The following SPEG variants were observed in gnomAD, a reference collection of about 807,000 sequenced individuals.
The protein encoded by SPEG is striated muscle preferentially expressed protein kinase.
SPEG carries 114 observed loss-of-function variants against 300.4 expected under a neutral mutation model. The ratio of observed to expected loss-of-function variants is 0.38; its 90% confidence interval spans 0.33 to 0.44. The LOEUF is 0.44. Among genes scored for constraint, SPEG ranks in the 20% least tolerant of loss-of-function variants. The pLI is 1.00. For missense variants in SPEG, 4,201 were observed against 4,586.2 expected, an observed-to-expected ratio of 0.92 and a Z score of 2.43; for synonymous variants, 1,964 against 2,018.9, an observed-to-expected ratio of 0.97 and a Z score of 0.73.
rs1026316864 is a variant in SPEG at position 219,484,010 on chromosome 2, G to A, written c.6547G>A (p.Ala2183Thr). 3 of 1,612,636 alleles carry A rather than the reference G, an allele frequency of 1.9e-6. No homozygotes were observed. Among genetic ancestry groups the A allele is most frequent in the Non-Finnish European group, 2.5e-6 (3 of 1,179,762 alleles). ...GCCATCCAGCCCTGCACGGCCCAGCGCCCCCAAACCCAGTACCCCTAAGTC... is the reference window on the plus strand; with the variant it reads ...GCCATCCAGCCCTGCACGGCCCAGCACCCCCAAACCCAGTACCCCTAAGTC... Reference protein sequence around the residue: ...AQPSSPARPSAPKPSTPKSAE... With the variant: ...AQPSSPARPSTPKPSTPKSAE... Residue 2183 changes from alanine (A) to threonine (T), a missense_variant, in exon 30 of 41, where the codon GCC becomes ACC. Ala to Thr is a moderately conservative substitution (Grantham distance 58, BLOSUM62 0). This residue lies in a region of SPEG where 1,578 missense variants were observed against 1,506.0 expected (regional missense o/e 1.05). Coordinates refer to ENST00000312358, the MANE Select transcript of SPEG (RefSeq NM_005876.5).
At chr2:219,466,567 A>G in intron 9 of SPEG, 2 of 1,031,216 alleles carry the variant, frequency 1.9e-6, no homozygotes, top group Non-Finnish European at 2.3e-6. Context: ...GGGTTAGGAC[A>G]CTGACCATTC....
At position 219,451,860 on chromosome 2, in the gene SPEG, C is replaced by T. The variant is rs1689785455; in HGVS notation, c.2440+53C>T. ...GGTGGGGGCAAGCCGTGACTCTCCC[C>T]TGGCCCAGGCCCCAGTCCACCTCCC... is the stretch of plus-strand genomic sequence containing the variant. On this transcript the variant is annotated intron_variant, in intron 6 of 40. Transcript: ENST00000312358. The surrounding 1 kb of genome is among the most constrained non-coding windows in gnomAD (Gnocchi z 6.4). 4.1e-6 allele frequency: 6 copies of T among 1,459,116 alleles called. No individual in the cohort carries two copies. Among genetic ancestry groups the T allele is most frequent in the Non-Finnish European group, 4.6e-6 (5 of 1,093,712 alleles). The allele number at this position is 1,459,116 out of a possible 1,614,324, so 90.4% of individuals were successfully genotyped here.
At chr2:219,457,684 A>G (rs1028281259) in intron 6 of SPEG, among the ~76,000 whole-genome samples, 2 of 152,188 alleles carry the variant, frequency 1.3e-5, no homozygotes, top group African/African-American at 2.4e-5. Context: ...ATCTGCACCC[A>G]TAGGGCAAAA....
Position 219,488,202 on chromosome 2 carries a change from C to G in SPEG, c.7750C>G (p.Pro2584Ala). 1 of 1,611,996 alleles carries G rather than the reference C, an allele frequency of 6.2e-7. No individual in the cohort carries two copies. Among genetic ancestry groups the G allele is most frequent in the Non-Finnish European group, 8.5e-7 (1 of 1,178,616 alleles). The stretch of plus-strand genomic sequence containing the variant: ...CTCTGCTTTTCCTCCAGACTTCCCC[C>G]CAGTCTTCCACATCAAACTCAAGGA... Reference protein sequence around the residue: ...QYVRSESDFPPVFHIKLKDQV... With the variant: ...QYVRSESDFPAVFHIKLKDQV... Residue 2584 changes from proline to alanine, a missense_variant, in exon 32 of 41, where the codon CCA becomes GCA. Pro to Ala is a conservative substitution (Grantham distance 27). Coordinates refer to ENST00000312358, the MANE Select transcript of SPEG (RefSeq NM_005876.5).
rs1302997762 is a variant in SPEG at position 219,443,297 on chromosome 2, G to A, written c.389-1356G>A. Reference sequence around the variant, plus strand: ...CCCCACACTTATCTACCACCCACCCGACCAGGCCCCCTGTGCCCTACAGCT... The same window carrying A: ...CCCCACACTTATCTACCACCCACCCAACCAGGCCCCCTGTGCCCTACAGCT... On this transcript the variant is annotated intron_variant, in intron 1 of 40. Coordinates refer to ENST00000312358, the MANE Select transcript of SPEG (RefSeq NM_005876.5). The surrounding 1 kb of genome is among the most constrained non-coding windows in gnomAD (Gnocchi z 4.6). 9 of 854,474 alleles carry A rather than the reference G, an allele frequency of 1.1e-5. No individual in the cohort carries two copies. The highest frequency in any genetic ancestry group is 2.7e-5 in the South Asian group (2 of 73,554). The allele number at this position is 854,474 out of a possible 1,614,324, so 52.9% of individuals were successfully genotyped here. A position where few individuals can be genotyped will look rare whatever the true frequency, so the allele number is the denominator to read the frequency against.
In SPEG at chr2:219,490,850, G is replaced by T. The variant is rs533972023; in HGVS notation, c.9279G>T (p.Leu3093=). Residue 3093 remains leucine, a synonymous_variant, in exon 38 of 41, where the codon CTG becomes CTT. Coordinates refer to ENST00000312358, the MANE Select transcript of SPEG (RefSeq NM_005876.5). The stretch of plus-strand genomic sequence containing the variant: ...ACATCAAGCCAGACAACCTGCTGCT[G>T]GCCCCTGACAATGCCCTCAAGATTG... ...HLDIKPDNLL[L]APDNALKIVD... 6.2e-7 allele frequency: 1 copy of T among 1,613,852 alleles called. No homozygotes were observed. The highest frequency in any genetic ancestry group is 2.2e-5 in the East Asian group (1 of 44,864).
chr2:219,484,715 C>T lies in SPEG; in HGVS notation c.7252C>T (p.Arg2418Trp), dbSNP rs1490646538. The change falls in exon 30 of 41, where the codon CGG becomes TGG. Residue 2418 changes from arginine (R) to tryptophan (W), a missense_variant. Arg to Trp is a moderately radical substitution (Grantham distance 101). This residue lies in a region of SPEG where 1,578 missense variants were observed against 1,506.0 expected (regional missense o/e 1.05). Coordinates refer to ENST00000312358, the MANE Select transcript of SPEG (RefSeq NM_005876.5). ...CTCGCTGTCACTGTCCCAGCGGCTGCGGCGGACCCCTCCCGCGCAGCGCCA... is the reference window on the plus strand; with the variant it reads ...CTCGCTGTCACTGTCCCAGCGGCTGTGGCGGACCCCTCCCGCGCAGCGCCA... ...RLSLSLSQRL[R>W]RTPPAQRHPA... 5 of 1,501,510 alleles carry T rather than the reference C, an allele frequency of 3.3e-6. No homozygotes were observed. The African/African-American group carries it at 5.8e-5, about 17-fold the overall frequency. The allele number at this position is 1,501,510 out of a possible 1,614,324, so 93.0% of individuals were successfully genotyped here. A position where few individuals can be genotyped will look rare whatever the true frequency, so the allele number is the denominator to read the frequency against.
rs764502382 is a variant in SPEG at position 219,448,122 on chromosome 2, C to T, written c.964C>T (p.Pro322Ser). The T allele has an allele frequency of 1.1e-4, 175 of 1,603,554 alleles. No individual in the cohort carries two copies. Among genetic ancestry groups the T allele is most frequent in the Admixed American group, 5.2e-4 (31 of 59,068 alleles). Residue 322 changes from proline to serine, a missense_variant, in exon 4 of 41, where the codon CCG (proline) becomes TCG (serine). This residue lies in a region of SPEG where 1,258 missense variants were observed against 1,293.9 expected (regional missense o/e 0.97). Transcript: ENST00000312358. ...PSPRVGKRSP[P>S]GPPAQPAATP... ...CCCTCGGGTCGGGAAGCGGTCCCCGCCGGGACCCCCGGCCCAGCCCGCGGC... is the reference window on the plus strand; with the variant it reads ...CCCTCGGGTCGGGAAGCGGTCCCCGTCGGGACCCCCGGCCCAGCCCGCGGC...
rs906765538 is a variant in SPEG, at chr2:219,448,555, G to T, written c.1397G>T (p.Arg466Leu). 20 of 1,446,270 alleles carry T rather than the reference G, an allele frequency of 1.4e-5. No homozygotes were observed. In the Admixed American group the frequency reaches 1.7e-4, roughly 12 times the overall value. 89.6% of individuals were successfully genotyped at this position (1,446,270 alleles called of 1,614,324 possible). The change falls in exon 4 of 41, where the codon CGG (arginine) becomes CTG (leucine). Residue 466 changes from arginine to leucine, a missense_variant. By Grantham distance (102) the Arg-to-Leu change is moderately radical. Around this residue, in one of 4 missense-constraint regions of SPEG, gnomAD observed 1,258 missense variants for 1,293.9 expected, o/e 0.97. Coordinates refer to ENST00000312358, the MANE Select transcript of SPEG (RefSeq NM_005876.5). Reference sequence around the variant, plus strand: ...CGGGCGCCAGGCAGCGTGGCCGAGCGGCGCCGCCTGTTCCAGCAGAAAGCG... The same window carrying T: ...CGGGCGCCAGGCAGCGTGGCCGAGCTGCGCCGCCTGTTCCAGCAGAAAGCG... ...ELRAPGSVAE[R>L]RRLFQQKAAS... is the part of the protein sequence containing the mutation.
chr2:219,442,739 C>T (rs1689020488), intron 1 of SPEG, among the ~76,000 whole-genome samples: 1 of 151,438 alleles, frequency 6.6e-6, no homozygotes, highest in African/African-American at 2.4e-5. Flanking sequence ...TCCTTCTCCT[C>T]ACTGAGCCTG....
chr2:219,461,898 T>C lies in SPEG; in HGVS notation c.2457T>C (p.Pro819=). ...TCTCTCCAGGTGGGTCTACATCCCCTTTCAGCAGCCCCATCACCTCCGACG... is the reference window on the plus strand; with the variant it reads ...TCTCTCCAGGTGGGTCTACATCCCCCTTCAGCAGCCCCATCACCTCCGACG... ...LTVRPGGSTS[P]FSSPITSDEE... The change falls in exon 7 of 41, where the codon CCT becomes CCC. Residue 819 remains proline, a synonymous_variant. Coordinates refer to ENST00000312358, the MANE Select transcript of SPEG (RefSeq NM_005876.5). The C allele has an allele frequency of 1.2e-6, 2 of 1,613,896 alleles. No individual in the cohort carries two copies. Among genetic ancestry groups the C allele is most frequent in the Non-Finnish European group, 1.7e-6 (2 of 1,179,898 alleles).
Position 219,473,586 on chromosome 2 carries a change from C to T in SPEG, c.4230C>T (p.Thr1410=), listed in dbSNP as rs780757296. The T allele has an allele frequency of 2.0e-5, 33 of 1,614,104 alleles. No individual in the cohort carries two copies. Among genetic ancestry groups the T allele is most frequent in the East Asian group, 6.7e-5 (3 of 44,890 alleles). The change falls in exon 17 of 41, where the codon ACC becomes ACT. Residue 1410 remains threonine (T), a synonymous_variant. Transcript: ENST00000312358. This position sits in a 1 kb window ranked among gnomAD's most constrained non-coding sequence, Gnocchi z 4.6. ...TGGAGGGACAGCCTGCCAGCGTCACCGTCACATTCAACCATGTGGAGGCCC... is the reference window on the plus strand; with the variant it reads ...TGGAGGGACAGCCTGCCAGCGTCACTGTCACATTCAACCATGTGGAGGCCC... ...YVVEGQPASV[T]VTFNHVEAQV... is the part of the protein sequence containing the mutation.
intron 6 of SPEG, chr2:219,461,111 C>T (rs1233743746): frequency 3.1e-5 from 28 of 893,356 alleles, no homozygotes; most frequent in East Asian, 2.4e-4. Context: ...GCCAGCTCAG[C>T]GAGACTGGGA....
rs1183836201 is a variant in SPEG, at chr2:219,451,442, C to T, written c.2257+163C>T. Among the ~76,000 whole-genome samples, 1 of 151,460 alleles carries T rather than the reference C, an allele frequency of 6.6e-6. No individual in the cohort carries two copies. The highest frequency in any genetic ancestry group is 1.5e-5 in the Non-Finnish European group (1 of 67,782). ...CTTGGGTGTGTGTTCAGGGACATTT[C>T]TCAGGACCCCCGAGAGAAGGGAGGG... On this transcript the variant is annotated intron_variant, in intron 5 of 40. Transcript: ENST00000312358. The surrounding 1 kb of genome is among the most constrained non-coding windows in gnomAD (Gnocchi z 6.4).
intron 8 of SPEG, among the ~76,000 whole-genome samples, chr2:219,463,511 T>G (rs2125415954): frequency 7.0e-6 from 1 of 143,614 alleles, no homozygotes; most frequent in African/African-American, 2.6e-5. Context: ...CCTCCTGGGT[T>G]CAAGGGATTC....
chr2:219,441,034 G>C (rs1688885636), intron 1 of SPEG, among the ~76,000 whole-genome samples: 1 of 152,206 alleles, frequency 6.6e-6, no homozygotes, highest in Non-Finnish European at 1.5e-5. Flanking sequence ...AATGGGTATA[G>C]GATTATTCAT....
intron 9 of SPEG, 99 bp from the exon 10 acceptor site, chr2:219,467,075 C>G (rs1691431442): frequency 7.2e-7 from 1 of 1,398,550 alleles, no homozygotes; most frequent in Admixed American, 2.2e-5. Context: ...GCATCTCTCT[C>G]TCTGTGTCTG....
chr2:219,451,763 A>G lies in SPEG; in HGVS notation c.2396A>G (p.Glu799Gly). ...AGCTATATGGCCACCGCCACCAACG[A>G]GCTGGGCCAGGCCACCTGTGCCGCC... Reference protein sequence around the residue: ...AGSYMATATNELGQATCAASL... With the variant: ...AGSYMATATNGLGQATCAASL... The change falls in exon 6 of 41, where the codon GAG (glutamate) becomes GGG (glycine). Residue 799 changes from glutamate to glycine, a missense_variant. Coordinates refer to ENST00000312358, the MANE Select transcript of SPEG (RefSeq NM_005876.5). The surrounding 1 kb of genome is among the most constrained non-coding windows in gnomAD (Gnocchi z 6.4). The G allele has an allele frequency of 6.4e-7, 1 of 1,555,568 alleles. No homozygotes were observed. The highest frequency in any genetic ancestry group is 8.7e-7 in the Non-Finnish European group (1 of 1,150,080).
rs1162334355 is a variant in SPEG, at chr2:219,481,268, G to T, written c.5370-36G>T. On this transcript the variant is annotated intron_variant, in intron 26 of 40. Transcript: ENST00000312358. This position sits in a 1 kb window ranked among gnomAD's most constrained non-coding sequence, Gnocchi z 5.4. Reference sequence around the variant, plus strand: ...CCCACTGACATTCCCCTTTGTCCCCGCCTGCCCCTCATGACAGCCCTCTTC... The same window carrying T: ...CCCACTGACATTCCCCTTTGTCCCCTCCTGCCCCTCATGACAGCCCTCTTC... 5.6e-6 allele frequency: 9 copies of T among 1,604,314 alleles called. No homozygotes were observed. Among genetic ancestry groups the T allele is most frequent in the African/African-American group, 1.3e-5 (1 of 74,612 alleles).
Sources: gnomAD v4.1 joint callset for allele counts (sites outside exome capture counted in the v4.1 genomes callset) on GRCh38, gnomAD v4.1.1 for gene constraint, gnomAD v4.1.1 regional missense constraint, Gnocchi (gnomAD v3.1) non-coding constraint, MANE v1.5 for transcripts, NCBI Gene and HGNC (gene_info 2026-07-23, HGNC 2026-07-21) for gene names.